The following CSMD1 variants were observed in gnomAD, a reference collection of about 807,000 sequenced individuals.
CSMD1 encodes the protein CUB and Sushi multiple domains 1.
Under a neutral mutation model 417.5 loss-of-function variants are expected in CSMD1, and 213 were observed. The observed-to-expected ratio is 0.51, with a 90% CI of 0.46 to 0.57. The LOEUF (loss-of-function observed/expected upper bound fraction) is 0.57. CSMD1 is among the 20% of genes least tolerant of loss of function. The probability of loss-of-function intolerance (pLI) is 0.00; values close to 1 mark genes in which losing one functional copy is unlikely to be tolerated. For missense variants in CSMD1, 6,923 were observed against 4,529.7 expected, an observed-to-expected ratio of 1.53 and a Z score of -15.17; for synonymous variants, 2,862 against 1,736.8, an observed-to-expected ratio of 1.65 and a Z score of -16.11.
intron 3 of CSMD1, among the ~76,000 whole-genome samples, chr8:4,033,184 T>C (rs1243728309): frequency 6.9e-6 from 1 of 144,662 alleles, no homozygotes; most frequent in Non-Finnish European, 1.5e-5. Flanking sequence ...CTCACGCCTG[T>C]AGTCCCAGCA....
At chr8:4,328,268 G>C (rs1331395392) in intron 3 of CSMD1, among the ~76,000 whole-genome samples, 2 of 121,670 alleles carry the variant, frequency 1.6e-5, no homozygotes, top group South Asian at 2.6e-4. Flanking sequence ...TTTTTTTTGA[G>C]AGGAATTCTC....
chr8:3,207,681 G>C (rs887217597), intron 30 of CSMD1, among the ~76,000 whole-genome samples: 2 of 152,088 alleles, frequency 1.3e-5, no homozygotes, highest in African/African-American at 4.8e-5. Flanking sequence ...TATTCTAAAA[G>C]TCAAAGGAAA....
rs754843717 is a variant in CSMD1, at chr8:3,087,197, A to G, written c.7374T>C (p.Phe2458=). 2 of 1,614,016 alleles carry G rather than the reference A, an allele frequency of 1.2e-6. No homozygotes were observed. Among genetic ancestry groups the G allele is most frequent in the South Asian group, 1.1e-5 (1 of 91,080 alleles). Residue 2458 remains phenylalanine (F), a synonymous_variant, in exon 49 of 70, where the codon TTT becomes TTC. Transcript: ENST00000635120. ...AGAVGSKVHY[F]CKPGYRMVGH... Reference sequence around the variant, plus strand: ...CGACCATTCGGTATCCAGGCTTGCAAAAATAATGCACTTTGCTTCCAACCG... The same window carrying G: ...CGACCATTCGGTATCCAGGCTTGCAGAAATAATGCACTTTGCTTCCAACCG...
chr8:3,020,471 G>A (rs1019312377), intron 51 of CSMD1, among the ~76,000 whole-genome samples: 28 of 152,118 alleles, frequency 1.8e-4, no homozygotes, highest in African/African-American at 6.5e-4. Flanking sequence ...CTGGGTTCAA[G>A]ACATCCTTCT....
chr8:4,983,164 A>C (rs985388177), intron 1 of CSMD1, among the ~76,000 whole-genome samples: 30 of 152,222 alleles, frequency 2.0e-4, no homozygotes, highest in East Asian at 1.9e-4. Flanking sequence ...TAATATCTTG[A>C]ATATAGGGTT....
chr8:4,509,641 G>T (rs946454899), intron 2 of CSMD1, among the ~76,000 whole-genome samples: 1 of 152,142 alleles, frequency 6.6e-6, no homozygotes, highest in Non-Finnish European at 1.5e-5. Flanking sequence ...CAAGTTCTTT[G>T]TGAGGAGGAA....
intron 1 of CSMD1, among the ~76,000 whole-genome samples, chr8:4,852,309 G>A (rs780855679): frequency 6.6e-6 from 1 of 152,162 alleles, no homozygotes; most frequent in South Asian, 2.1e-4. Flanking sequence ...ATCCCTCATA[G>A]ATGGCTTCCT....
At chr8:4,830,982 T>C (rs1167518064) in intron 1 of CSMD1, among the ~76,000 whole-genome samples, 1 of 152,190 alleles carries the variant, frequency 6.6e-6, no homozygotes, top group Non-Finnish European at 1.5e-5. Context: ...CAACGAGGCA[T>C]TTAGAGGCCC....
intron 5 of CSMD1, among the ~76,000 whole-genome samples, chr8:3,897,803 T>C (rs1563189337): frequency 6.6e-6 from 1 of 152,212 alleles, no homozygotes; most frequent in East Asian, 1.9e-4. Flanking sequence ...GCTATTTGCT[T>C]CGTAAGTTCA....
At chr8:4,957,621 C>G (rs1809204649) in intron 1 of CSMD1, among the ~76,000 whole-genome samples, 1 of 152,064 alleles carries the variant, frequency 6.6e-6, no homozygotes, top group African/African-American at 2.4e-5. Context: ...AAAAAATGCA[C>G]TGAAGAAATA....
chr8:4,338,867 A>C (rs1420589169), intron 3 of CSMD1, among the ~76,000 whole-genome samples: 6 of 152,098 alleles, frequency 3.9e-5, no homozygotes, highest in Non-Finnish European at 8.8e-5. Flanking sequence ...GAAATTATGG[A>C]AGGTTTAGAA....
intron 10 of CSMD1, among the ~76,000 whole-genome samples, chr8:3,528,418 G>T (rs747307328): frequency 1.3e-5 from 2 of 152,118 alleles, no homozygotes; most frequent in Non-Finnish European, 2.9e-5. Context: ...AAGGAGGATG[G>T]CTCTGTATGC....
At chr8:4,843,475 G>A (rs1249110439) in intron 1 of CSMD1, among the ~76,000 whole-genome samples, 1 of 152,100 alleles carries the variant, frequency 6.6e-6, no homozygotes, top group Non-Finnish European at 1.5e-5. Context: ...GAGAAATTGT[G>A]TGTATAAAGG....
At chr8:3,098,124 G>A (rs1480999754) in intron 46 of CSMD1, among the ~76,000 whole-genome samples, 2 of 152,028 alleles carry the variant, frequency 1.3e-5, no homozygotes, top group African/African-American at 2.4e-5. Context: ...AAACTATTAA[G>A]GGAAATTTTT....
intron 3 of CSMD1, among the ~76,000 whole-genome samples, chr8:4,188,772 G>C (rs1224916160): frequency 1.3e-5 from 2 of 149,656 alleles, no homozygotes; most frequent in African/African-American, 2.5e-5. Flanking sequence ...TTTTTAGTAG[G>C]AAAGAAGATA....
intron 3 of CSMD1, among the ~76,000 whole-genome samples, chr8:4,200,879 A>G (rs1029961229): frequency 4.6e-5 from 7 of 152,214 alleles, no homozygotes; most frequent in African/African-American, 1.4e-4. Flanking sequence ...GATAATAATA[A>G]TAACACATCT....
chr8:4,379,183 A>G (rs1307511248), intron 3 of CSMD1, among the ~76,000 whole-genome samples: 1 of 152,200 alleles, frequency 6.6e-6, no homozygotes, highest in Non-Finnish European at 1.5e-5. Context: ...TTTATTCTGT[A>G]GTATTCTGCC....
At chr8:3,740,727 A>C (rs967044230) in intron 6 of CSMD1, among the ~76,000 whole-genome samples, 7 of 152,200 alleles carry the variant, frequency 4.6e-5, no homozygotes, top group African/African-American at 7.2e-5. Flanking sequence ...AGAGTCTAAA[A>C]GACTTGGTAC....
At chr8:4,070,971 A>G (rs1279257093) in intron 3 of CSMD1, among the ~76,000 whole-genome samples, 1 of 152,010 alleles carries the variant, frequency 6.6e-6, no homozygotes, top group Non-Finnish European at 1.5e-5. Flanking sequence ...CAATAATTTA[A>G]ATTGTTGTTT....
Sources: gnomAD v4.1 joint callset for allele counts (sites outside exome capture counted in the v4.1 genomes callset) on GRCh38, gnomAD v4.1.1 for gene constraint, MANE v1.5 for transcripts, NCBI Gene and HGNC (gene_info 2026-07-23, HGNC 2026-07-21) for gene names.